Variants in CD28 observed in about 807,000 individuals in gnomAD.
CD28 encodes CD28 molecule, also known as T-cell-specific surface glycoprotein CD28.
CD28 carries 8 observed loss-of-function variants against 21.4 expected under a neutral mutation model. The observed-to-expected ratio is 0.37, with a 90% CI of 0.22 to 0.68. CD28 has a LOEUF of 0.68. Ranked by LOEUF, CD28 falls within the 30% of genes least tolerant of loss-of-function variation. The probability of loss-of-function intolerance (pLI) is 0.55; values close to 1 mark genes in which losing one functional copy is unlikely to be tolerated. For synonymous variants in CD28, 106 were observed against 104.0 expected (o/e 1.02, Z -0.12); for missense variants, 239 against 272.2 (o/e 0.88, Z 0.86).
chr2:203,722,941 G>A (rs1162108246), intron 1 of CD28, among the ~76,000 whole-genome samples: 1 of 152,206 alleles, frequency 6.6e-6, no homozygotes, highest in Non-Finnish European at 1.5e-5. Flanking sequence ...GTTTTCCTCT[G>A]TTAGGCCACT....
At chr2:203,713,312 TG>T (rs1215629434) in intron 1 of CD28, among the ~76,000 whole-genome samples, 1 of 152,156 alleles carries the variant, frequency 6.6e-6, no homozygotes, top group Non-Finnish European at 1.5e-5. Flanking sequence ...GTTATGGGAA[TG>T]GATGGCTAGT....
At chr2:203,719,770 AC>A (rs1245366673) in intron 1 of CD28, among the ~76,000 whole-genome samples, 1 of 152,182 alleles carries the variant, frequency 6.6e-6, no homozygotes, top group Non-Finnish European at 1.5e-5. Flanking sequence ...AGCCATAGAT[AC>A]TAAATTAAGC....
intron 2 of CD28, 118 bp downstream of exon 2, chr2:203,727,107 A>G (rs912233244): frequency 1.5e-5 from 10 of 665,194 alleles, no homozygotes; most frequent in Non-Finnish European, 2.4e-5. Flanking sequence ...TGATACTAAC[A>G]AAGACAAATA....
rs55817478 is a variant in CD28, at chr2:203,736,008, A to AAACAACAAC, written c.*1120_*1128dup. The stretch of plus-strand genomic sequence containing the variant: ...GGGCGACAGAGTGAGACTCCATCTC[A>AAACAACAAC]AACAACAACAACAACAACAACAACA... On this transcript the variant is annotated 3_prime_UTR_variant, in exon 4 of 4. Transcript: ENST00000324106. The AAACAACAAC allele has an allele frequency of 3.4e-4, 52 of 151,792 alleles. No homozygotes were observed. Among genetic ancestry groups the AAACAACAAC allele is most frequent in the African/African-American group, 1.2e-3 (50 of 41,264 alleles). The allele number at this position is 151,792 out of a possible 1,614,324, so 9.4% of individuals were successfully genotyped here. A position where few individuals can be genotyped will look rare whatever the true frequency, so the allele number is the denominator to read the frequency against.
chr2:203,727,353 G>A (rs530417711), intron 2 of CD28, among the ~76,000 whole-genome samples: 1 of 152,018 alleles, frequency 6.6e-6, no homozygotes, highest in Non-Finnish European at 1.5e-5. Flanking sequence ...GACTCAGGAA[G>A]ACTCACTTCT....
intron 1 of CD28, among the ~76,000 whole-genome samples, chr2:203,725,475 C>T (rs959540417): frequency 2.1e-4 from 31 of 147,450 alleles, no homozygotes; most frequent in Admixed American, 8.8e-4. Flanking sequence ...AGGCCTTATA[C>T]AATCATTAGA....
At chr2:203,716,223 T>C (rs1693459389) in intron 1 of CD28, among the ~76,000 whole-genome samples, 1 of 152,174 alleles carries the variant, frequency 6.6e-6, no homozygotes, top group South Asian at 2.1e-4. Flanking sequence ...ATTTCCATGA[T>C]CTTAGCCTGT....
upstream of CD28, chr2:203,706,585 C>T (rs1168035533): frequency 1.3e-6 from 2 of 1,595,212 alleles, no homozygotes; most frequent in South Asian, 2.3e-5. Context: ...GTGGTGGTGG[C>T]CGTGGATGAC....
chr2:203,710,967 A>G (rs150435310), intron 1 of CD28, among the ~76,000 whole-genome samples: 129 of 152,254 alleles, frequency 8.5e-4, no homozygotes, highest in African/African-American at 2.7e-3. Context: ...TTCTCAGTAC[A>G]TAGTTGAGCT....
At chr2:203,729,615 G>T (rs766679663) in intron 2 of CD28, 33 bp from the exon 3 acceptor site, 30 of 1,601,480 alleles carry the variant, frequency 1.9e-5, no homozygotes, top group Non-Finnish European at 2.2e-5. Flanking sequence ...TGCTATTCCT[G>T]TATCATTTAA....
At position 203,735,058 on chromosome 2, in the gene CD28, C is replaced by T. The variant is rs200922648; in HGVS notation, c.*146C>T. On this transcript the variant is annotated 3_prime_UTR_variant, in exon 4 of 4. Coordinates refer to ENST00000324106, the MANE Select transcript of CD28 (RefSeq NM_006139.4). ...TGCCAATTTTTCTCGAGTGACTAGA[C>T]CAAATATCAAGATCATTTTGAGACT... is the stretch of plus-strand genomic sequence containing the variant. The T allele has an allele frequency of 1.4e-5, 12 of 840,166 alleles. No individual in the cohort carries two copies. In the South Asian group the frequency reaches 1.9e-4, roughly 13 times the overall value. 52.0% of individuals were successfully genotyped at this position (840,166 alleles called of 1,614,324 possible).
chr2:203,737,806 T>C lies in CD28; in HGVS notation c.*2894T>C, dbSNP rs1238399407. 6.6e-6 allele frequency: 1 copy of C among 152,638 alleles called. No individual in the cohort carries two copies. Among genetic ancestry groups the C allele is most frequent in the Admixed American group, 6.5e-5 (1 of 15,284 alleles). 9.5% of individuals were successfully genotyped at this position (152,638 alleles called of 1,614,324 possible). Reference sequence around the variant, plus strand: ...AAGTGTATGTACATTATGTTCTACATATTCAGTGATAAAATTACTAAACTA... The same window carrying C: ...AAGTGTATGTACATTATGTTCTACACATTCAGTGATAAAATTACTAAACTA... On this transcript the variant is annotated 3_prime_UTR_variant, in exon 4 of 4. Coordinates refer to ENST00000324106, the MANE Select transcript of CD28 (RefSeq NM_006139.4).
chr2:203,720,470 A>G (rs78507723), intron 1 of CD28, among the ~76,000 whole-genome samples: 2,466 of 152,338 alleles, frequency 0.016, 58 homozygotes, highest in African/African-American at 0.057. Context: ...AAATATTCAC[A>G]GGGAAAGGGC....
chr2:203,720,684 A>G (rs748990432), intron 1 of CD28, among the ~76,000 whole-genome samples: 80 of 152,376 alleles, frequency 5.3e-4, no homozygotes, highest in South Asian at 2.1e-3. Context: ...GAGACCGAAA[A>G]TACATATCAA....
upstream of CD28, chr2:203,706,611 T>C: frequency 1.2e-6 from 2 of 1,610,600 alleles, no homozygotes; most frequent in Non-Finnish European, 1.7e-6. Flanking sequence ...CTCTCAGGCC[T>C]TGGCAGGTGC....
At chr2:203,709,046 C>T (rs78819091) in intron 1 of CD28, among the ~76,000 whole-genome samples, 7,990 of 151,704 alleles carry the variant, frequency 0.053, 285 homozygotes, top group Non-Finnish European at 0.08. Context: ...TGCTTAAACC[C>T]GGGACGCGGA....
At chr2:203,715,360 G>A (rs1693437020) in intron 1 of CD28, among the ~76,000 whole-genome samples, 1 of 152,096 alleles carries the variant, frequency 6.6e-6, no homozygotes, top group South Asian at 2.1e-4. Flanking sequence ...TCTTGGTATG[G>A]GTTCCACTTT....
intron 1 of CD28, among the ~76,000 whole-genome samples, chr2:203,721,831 A>G (rs1693613053): frequency 6.6e-6 from 1 of 152,096 alleles, no homozygotes; most frequent in Non-Finnish European, 1.5e-5. Context: ...TTGGGAAATC[A>G]ATTCTTCTCT....
At position 203,726,626 on chromosome 2, in the gene CD28, C is replaced by G. The variant is rs1409827006; in HGVS notation, c.53-7C>G. ...TGTTCTAAGCAAATGATTTTTTTTTCCCCCAGGAAACAAGATTTTGGTGAA... is the reference window on the plus strand; with the variant it reads ...TGTTCTAAGCAAATGATTTTTTTTTGCCCCAGGAAACAAGATTTTGGTGAA... On this transcript the variant is annotated splice_region_variant and splice_polypyrimidine_tract_variant and intron_variant, in intron 1 of 3. Transcript: ENST00000324106. The G allele has an allele frequency of 6.4e-7, 1 of 1,562,672 alleles. No homozygotes were observed. Among genetic ancestry groups the G allele is most frequent in the East Asian group, 2.3e-5 (1 of 44,174 alleles).
Sources: gnomAD v4.1 joint callset for allele counts (sites outside exome capture counted in the v4.1 genomes callset) on GRCh38, gnomAD v4.1.1 for gene constraint, MANE v1.5 for transcripts, NCBI Gene and HGNC (gene_info 2026-07-23, HGNC 2026-07-21) for gene names.